GALNTL5: variants seen among roughly 807,000 people sequenced by gnomAD.
GALNTL5 encodes inactive polypeptide N-acetylgalactosaminyltransferase-like protein 5.
A neutral mutation model predicts 51.0 loss-of-function variants in GALNTL5; 44 were observed. The observed-to-expected ratio is 0.86, with a 90% CI of 0.68 to 1.11. The LOEUF (loss-of-function observed/expected upper bound fraction) is 1.11, where lower values mean the gene tolerates loss of function less well. Ranked by LOEUF, GALNTL5 falls within the 50% of genes least tolerant of loss-of-function variation. The probability of loss-of-function intolerance (pLI) is 0.00; values close to 1 mark genes in which losing one functional copy is unlikely to be tolerated. For missense variants in GALNTL5, 528 were observed against 531.8 expected (o/e 0.99, Z 0.07); for synonymous variants, 192 against 182.8 (o/e 1.05, Z -0.41).
chr7:152,004,604 C>T (rs927960817), intron 6 of GALNTL5, among the ~76,000 whole-genome samples: 2 of 152,090 alleles, frequency 1.3e-5, no homozygotes, highest in Non-Finnish European at 2.9e-5. Context: ...ATCCATTGCC[C>T]TCCTGTCACC....
In GALNTL5 at chr7:151,967,354, G is replaced by A. The variant is rs2081072958; in HGVS notation, c.108G>A (p.Gln36=). 37 of 1,614,154 alleles carry A rather than the reference G, an allele frequency of 2.3e-5. No individual in the cohort carries two copies. The highest frequency in any genetic ancestry group is 3.1e-5 in the Non-Finnish European group (36 of 1,180,012). Residue 36 remains glutamine, a synonymous_variant, in exon 2 of 9, where the codon CAG becomes CAA. Coordinates refer to ENST00000392800, the MANE Select transcript of GALNTL5 (RefSeq NM_145292.4). ...ACCATAATCATGTGAGCAGCTGGCAGAAGAAAAGCCAGGAGCCTCTGTCAG... is the reference window on the plus strand; with the variant it reads ...ACCATAATCATGTGAGCAGCTGGCAAAAGAAAAGCCAGGAGCCTCTGTCAG... ...YLHHNHVSSW[Q]KKSQEPLSAW...
chr7:151,984,921 G>C lies in GALNTL5; in HGVS notation c.535+1769G>C, dbSNP rs576291534. On this transcript the variant is annotated intron_variant, in intron 4 of 8. Coordinates refer to ENST00000392800, the MANE Select transcript of GALNTL5 (RefSeq NM_145292.4). The stretch of plus-strand genomic sequence containing the variant: ...CTTTCAGAACCACACCATGAATTTG[G>C]AGACGTAACTGGTGTCTTATCAGCT... Among the ~76,000 whole-genome samples, 11 of 152,276 alleles carry C rather than the reference G, an allele frequency of 7.2e-5. No homozygotes were observed. In the East Asian group the frequency reaches 1.7e-3, roughly 24 times the overall value.
At position 151,982,968 on chromosome 7, in the gene GALNTL5, T is replaced by A. The variant is rs572756906; in HGVS notation, c.369-18T>A. The stretch of plus-strand genomic sequence containing the variant: ...GCATTTAGATGGATGGTTTTCTTCA[T>A]ATTGCTTCTGCCTGCAGGTGTCTTC... On this transcript the variant is annotated intron_variant, in intron 3 of 8. Transcript: ENST00000392800. The A allele has an allele frequency of 2.0e-3, 3,249 of 1,614,074 alleles. 88 individuals carry two copies. The South Asian group carries it at 0.034, about 17-fold the overall frequency.
In GALNTL5 at chr7:151,982,930, C is replaced by T. The variant is rs759348749; in HGVS notation, c.369-56C>T. 1.4e-5 allele frequency: 23 copies of T among 1,612,724 alleles called. No homozygotes were observed. In the South Asian group the frequency reaches 2.5e-4, roughly 18 times the overall value. The stretch of plus-strand genomic sequence containing the variant: ...AAGGAGAAGTGTTTGAACGAGATGA[C>T]ACAACATCCAAGGCATTTAGATGGA... On this transcript the variant is annotated intron_variant, in intron 3 of 8. Transcript: ENST00000392800.
chr7:151,980,219 G>T (rs1301916663), intron 3 of GALNTL5, among the ~76,000 whole-genome samples: 1 of 152,110 alleles, frequency 6.6e-6, no homozygotes, highest in African/African-American at 2.4e-5. Flanking sequence ...GAGAAGCTGG[G>T]ATTACAGTCA....
intron 7 of GALNTL5, among the ~76,000 whole-genome samples, chr7:152,008,795 ATTATT>A (rs2081689157): frequency 6.6e-6 from 1 of 151,914 alleles, no homozygotes; most frequent in Non-Finnish European, 1.5e-5. Flanking sequence ...GGACGTAGGC[ATTATT>A]TTATAACGCT....
At chr7:151,965,619 C>T (rs1453164003) in intron 1 of GALNTL5, among the ~76,000 whole-genome samples, 1 of 152,122 alleles carries the variant, frequency 6.6e-6, no homozygotes, top group African/African-American at 2.4e-5. Flanking sequence ...TGGCTCACAC[C>T]TGTAATCCCA....
chr7:151,964,129 C>T (rs1169393185), intron 1 of GALNTL5, among the ~76,000 whole-genome samples: 3 of 152,144 alleles, frequency 2.0e-5, no homozygotes, highest in African/African-American at 4.8e-5. Flanking sequence ...GTGCCCTCAC[C>T]GGTCTTTTCT....
At chr7:151,994,432 A>G (rs1563017094) in intron 5 of GALNTL5, among the ~76,000 whole-genome samples, 2 of 151,948 alleles carry the variant, frequency 1.3e-5, no homozygotes, top group Non-Finnish European at 2.9e-5. Flanking sequence ...AGCTATTTGC[A>G]TTATTACAAA....
chr7:151,990,988 C>A (rs2081422148), intron 5 of GALNTL5, among the ~76,000 whole-genome samples: 1 of 152,142 alleles, frequency 6.6e-6, no homozygotes, highest in Non-Finnish European at 1.5e-5. Context: ...TAATAAAAAA[C>A]AAACATATCA....
intron 8 of GALNTL5, among the ~76,000 whole-genome samples, chr7:152,017,759 C>A (rs1295947905): frequency 1.3e-5 from 2 of 152,068 alleles, no homozygotes; most frequent in Non-Finnish European, 2.9e-5. Flanking sequence ...CAAAATTGAT[C>A]CCATTAATAA....
intron 5 of GALNTL5, among the ~76,000 whole-genome samples, chr7:151,988,166 AAC>A (rs1310442330): frequency 3.9e-5 from 6 of 152,188 alleles, no homozygotes; most frequent in Non-Finnish European, 7.3e-5. Flanking sequence ...ATTGGATATG[AAC>A]ACTGCCCTCC....
intron 3 of GALNTL5, 157 bp from the exon 4 acceptor site, chr7:151,982,829 T>C: frequency 6.7e-7 from 1 of 1,486,560 alleles, no homozygotes; most frequent in Non-Finnish European, 9.1e-7. Flanking sequence ...AAATAAATTT[T>C]TGTGTTTTTA....
At chr7:151,957,133 C>G (rs1219657007) in intron 1 of GALNTL5, among the ~76,000 whole-genome samples, 4 of 131,412 alleles carry the variant, frequency 3.0e-5, no homozygotes, top group Middle Eastern at 3.9e-3. Flanking sequence ...GAGTGAGACT[C>G]TGTCTCGAGA....
chr7:151,965,856 T>G (rs1445161261), intron 1 of GALNTL5, among the ~76,000 whole-genome samples: 1 of 152,108 alleles, frequency 6.6e-6, no homozygotes, highest in African/African-American at 2.4e-5. Context: ...CACTGCACTC[T>G]AGCCTGGGTG....
chr7:152,002,473 TC>T (rs1319121895), intron 5 of GALNTL5, among the ~76,000 whole-genome samples: 2 of 152,148 alleles, frequency 1.3e-5, no homozygotes, highest in Non-Finnish European at 2.9e-5. Context: ...TTTAGAATTC[TC>T]CCCAAAACCA....
chr7:151,957,778 T>G (rs2080943846), intron 1 of GALNTL5: 1 of 152,196 alleles, frequency 6.6e-6, no homozygotes, highest in Non-Finnish European at 1.5e-5. Flanking sequence ...TCTGTGCTTT[T>G]CTAGCATTGA....
At position 152,004,348 on chromosome 7, in the gene GALNTL5, A is replaced by T. The variant is rs115827115; in HGVS notation, c.908+1385A>T. ...GTAATATATATTATACATATTACAT[A>T]TATTATAATTGTATGTTACATTAAA... On this transcript the variant is annotated intron_variant, in intron 6 of 8. Transcript: ENST00000392800. 5.2e-3 allele frequency among the ~76,000 whole-genome samples: 777 copies of T among 150,286 alleles called. 4 individuals carry two copies. Among genetic ancestry groups the T allele is most frequent in the Middle Eastern group, 0.025 (7 of 280 alleles).
chr7:151,961,648 G>T (rs529039769), intron 1 of GALNTL5, among the ~76,000 whole-genome samples: 1 of 152,148 alleles, frequency 6.6e-6, no homozygotes, highest in South Asian at 2.1e-4. Flanking sequence ...GACGCTGACG[G>T]TCCTAGAGCT....
Sources: gnomAD v4.1 joint callset for allele counts (sites outside exome capture counted in the v4.1 genomes callset) on GRCh38, gnomAD v4.1.1 for gene constraint, MANE v1.5 for transcripts, NCBI Gene and HGNC (gene_info 2026-07-23, HGNC 2026-07-21) for gene names.